TFE3: variants seen among roughly 807,000 people sequenced by gnomAD.
TFE3 encodes the protein transcription factor E3.
Under a neutral mutation model 35.0 loss-of-function variants are expected in TFE3, and 5 were observed. The ratio of observed to expected loss-of-function variants is 0.14; its 90% confidence interval spans 0.07 to 0.30. The LOEUF (loss-of-function observed/expected upper bound fraction) is 0.30. Ranked by LOEUF, TFE3 falls within the 10% of genes least tolerant of loss-of-function variation. The pLI is 1.00. For missense variants in TFE3, 374 were observed against 496.6 expected, an observed-to-expected ratio of 0.75 and a Z score of 2.35; for synonymous variants, 211 against 215.6, an observed-to-expected ratio of 0.98 and a Z score of 0.18.
At chrX:49,031,641 A>G in intron 8 of TFE3, 97 bp from the exon 9 acceptor site, 3 of 940,022 alleles carry the variant, frequency 3.2e-6, no homozygotes, top group East Asian at 3.5e-5. Context: ...CTCCCACCAC[A>G]TGCTTAGAAC....
At chrX:49,032,799 C>T (rs998858215) in intron 8 of TFE3, among the ~76,000 whole-genome samples, 1 of 110,541 alleles carries the variant, frequency 9.0e-6, no homozygotes, top group African/African-American at 3.3e-5. Flanking sequence ...CTCAGCATCC[C>T]GAGTAGCGGG....
At chrX:49,033,853 G>A in intron 6 of TFE3, 71 bp from the exon 7 acceptor site, 1 of 1,113,696 alleles carries the variant, frequency 9.0e-7, no homozygotes, top group East Asian at 3.0e-5. Context: ...TACTAAGGTA[G>A]GGTTTGGTAG....
chrX:49,031,771 G>A (rs2064701037), intron 8 of TFE3: 1 of 323,826 alleles, frequency 3.1e-6, no homozygotes, highest in Non-Finnish European at 5.3e-6. Flanking sequence ...TGACCCCTTA[G>A]GATTCCTCTC....
Position 49,040,637 on chromosome X carries a change from CAGAGAAAGAGAG to C in TFE3, c.117-81_117-70del, listed in dbSNP as rs1557075580. The C allele has an allele frequency of 2.4e-5, 19 of 794,984 alleles. No individual in the cohort carries two copies. In the Admixed American group the frequency reaches 4.5e-4, roughly 19 times the overall value. 65.5% of individuals were successfully genotyped at this position (794,984 alleles called of 1,213,427 possible). On this transcript the variant is annotated intron_variant, in intron 1 of 9. Transcript: ENST00000315869. ...CTTATTCCCCAGCCCTCCCCTGAGA[CAGAGAAAGAGAG>C]AGAGAGGGGGGGAGAACGAAGAGGA...
In TFE3 at chrX:49,040,546, A is replaced by G; in HGVS notation, c.139T>C (p.Ser47Pro). 8.3e-7 allele frequency: 1 copy of G among 1,209,464 alleles called. No individual in the cohort carries two copies. Among genetic ancestry groups the G allele is most frequent in the Non-Finnish European group, 1.1e-6 (1 of 893,709 alleles). ...LLSLNSLLPE[S>P]GIVADIELEN... ...AATTCTATGTCAGCAACAATCCCGG[A>G]TTCCGGAAGCAAAGAGTTCAGGCTG... is the stretch of plus-strand genomic sequence containing the variant. Residue 47 changes from serine to proline, a missense_variant, in exon 2 of 10, where the codon TCC becomes CCC. Ser to Pro is a moderately conservative substitution (Grantham distance 74, BLOSUM62 -1). Coordinates refer to ENST00000315869, the MANE Select transcript of TFE3 (RefSeq NM_006521.6).
intron 5 of TFE3, among the ~76,000 whole-genome samples, chrX:49,034,774 C>A (rs1557074369): frequency 8.9e-6 from 1 of 111,961 alleles, no homozygotes; most frequent in Non-Finnish European, 1.9e-5. Context: ...ACCTAATCTC[C>A]AGTCTTTCAC....
intron 1 of TFE3, among the ~76,000 whole-genome samples, chrX:49,042,771 A>G (rs1166821785): frequency 9.0e-6 from 1 of 111,341 alleles, no homozygotes; most frequent in Non-Finnish European, 1.9e-5. Flanking sequence ...TGTCCGACTG[A>G]AAATCCCCGA....
At chrX:49,038,997 C>A in intron 3 of TFE3, 110 bp downstream of exon 3, 1 of 793,057 alleles carries the variant, frequency 1.3e-6, no homozygotes, top group Non-Finnish European at 1.8e-6. Context: ...TCCTTAGAGC[C>A]CCTAAGACCT....
Position 49,043,180 on chromosome X carries a change from G to C in TFE3, c.47C>G (p.Ala16Gly). 1 of 1,183,955 alleles carries C rather than the reference G, an allele frequency of 8.4e-7. No homozygotes were observed. Among genetic ancestry groups the C allele is most frequent in the Admixed American group, 2.3e-5 (1 of 42,684 alleles). The change falls in exon 1 of 10, where the codon GCG becomes GGG. Residue 16 changes from alanine (A) to glycine (G), a missense_variant. Ala to Gly is a moderately conservative substitution (Grantham distance 60). Transcript: ENST00000315869. ...EPARDGVEAS[A>G]EGPRAVFVLL... is the part of the protein sequence containing the mutation. ...CACGAACACGGCTCGAGGGCCCTCCGCGCTGGCCTCTACGCCATCCCGAGC... is the reference window on the plus strand; with the variant it reads ...CACGAACACGGCTCGAGGGCCCTCCCCGCTGGCCTCTACGCCATCCCGAGC...
chrX:49,034,340 A>G (rs2064716559), intron 5 of TFE3, 89 bp from the exon 6 acceptor site: 1 of 606,669 alleles, frequency 1.6e-6, no homozygotes, highest in Non-Finnish European at 2.7e-6. Context: ...GCTTCCACAT[A>G]TCCCAAAGAT....
intron 3 of TFE3, 75 bp from the exon 4 acceptor site, chrX:49,038,517 A>C: frequency 8.9e-7 from 1 of 1,121,871 alleles, no homozygotes; most frequent in East Asian, 3.2e-5. Flanking sequence ...TCTGAGCCCC[A>C]GCCTGACCCT....
rs1557076055 is a variant in TFE3, at chrX:49,043,270, G to A, written c.-44C>T. 6.9e-6 allele frequency: 7 copies of A among 1,007,775 alleles called. No homozygotes were observed. Among genetic ancestry groups the A allele is most frequent in the Non-Finnish European group, 9.2e-6 (7 of 757,595 alleles). 83.1% of individuals were successfully genotyped at this position (1,007,775 alleles called of 1,213,427 possible). A position where few individuals can be genotyped will look rare whatever the true frequency, so the allele number is the denominator to read the frequency against. On this transcript the variant is annotated 5_prime_UTR_variant, in exon 1 of 10. Coordinates refer to ENST00000315869, the MANE Select transcript of TFE3 (RefSeq NM_006521.6). ...AGCCCTGCCAGGCCGGTCGGGCCTC[G>A]GCCCGGTCCCCCTAACAAAATAAGA...
At position 49,038,515 on chromosome X, in the gene TFE3, C is replaced by T. The variant is rs962109506; in HGVS notation, c.535-73G>A. 37 of 1,119,894 alleles carry T rather than the reference C, an allele frequency of 3.3e-5. No homozygotes were observed. The South Asian group carries it at 6.8e-4, about 21-fold the overall frequency. 92.3% of individuals were successfully genotyped at this position (1,119,894 alleles called of 1,213,427 possible). On this transcript the variant is annotated intron_variant, in intron 3 of 9. Coordinates refer to ENST00000315869, the MANE Select transcript of TFE3 (RefSeq NM_006521.6). ...GACTCAAAGGGGTGAATTCTGAGCC[C>T]CAGCCTGACCCTCCTAACTCATTGG...
intron 1 of TFE3, among the ~76,000 whole-genome samples, chrX:49,042,305 T>G (rs1301599815): frequency 9.0e-6 from 1 of 111,149 alleles, no homozygotes; most frequent in Non-Finnish European, 1.9e-5. Context: ...AGTAGCAGCA[T>G]GAACAAGAGC....
chrX:49,036,041 C>T (rs900161598), intron 5 of TFE3, among the ~76,000 whole-genome samples: 9 of 109,401 alleles, frequency 8.2e-5, no homozygotes, highest in South Asian at 3.9e-4. Context: ...CATGGTGACA[C>T]AAGCCTATGG....
At position 49,038,001 on chromosome X, in the gene TFE3, G is replaced by A. The variant is rs1557075014; in HGVS notation, c.885+9C>T. 2.5e-6 allele frequency: 3 copies of A among 1,188,505 alleles called. No homozygotes were observed. Among genetic ancestry groups the A allele is most frequent in the South Asian group, 3.7e-5 (2 of 54,371 alleles). ...ATTTTCAGACCAACCTCCCATCTCA[G>A]GGCCTCACCGTGCTGGGGAGCTGCA... On this transcript the variant is annotated intron_variant, in intron 5 of 9. Coordinates refer to ENST00000315869, the MANE Select transcript of TFE3 (RefSeq NM_006521.6).
At chrX:49,036,026 C>T (rs782259761) in intron 5 of TFE3, among the ~76,000 whole-genome samples, 1 of 107,641 alleles carries the variant, frequency 9.3e-6, no homozygotes, top group African/African-American at 3.4e-5. Context: ...AAAAAATTAG[C>T]CAGGCATGGT....
At chrX:49,035,903 G>T (rs1557074651) in intron 5 of TFE3, among the ~76,000 whole-genome samples, 1 of 110,624 alleles carries the variant, frequency 9.0e-6, no homozygotes, top group Non-Finnish European at 1.9e-5. Flanking sequence ...AGGCATGGTG[G>T]CTATGTCTGT....
In TFE3 at chrX:49,031,378, C is replaced by T; in HGVS notation, c.1284+19G>A. On this transcript the variant is annotated intron_variant, in intron 9 of 9. Transcript: ENST00000315869. ...AAGCTCTCCCCCTCTTCCCCCACCA[C>T]CATCTCCTCTTTTCAAACCTGAATT... 8.5e-7 allele frequency: 1 copy of T among 1,180,738 alleles called. No individual in the cohort carries two copies. Among genetic ancestry groups the T allele is most frequent in the Non-Finnish European group, 1.1e-6 (1 of 876,666 alleles).
Sources: gnomAD v4.1 joint callset for allele counts (sites outside exome capture counted in the v4.1 genomes callset) on GRCh38, gnomAD v4.1.1 for gene constraint, MANE v1.5 for transcripts, NCBI Gene and HGNC (gene_info 2026-07-23, HGNC 2026-07-21) for gene names.